Variants in CDC25C observed in about 807,000 individuals in gnomAD.
CDC25C encodes the protein cell division cycle 25C.
CDC25C carries 48 observed loss-of-function variants against 52.5 expected under a neutral mutation model. The ratio of observed to expected loss-of-function variants is 0.91; its 90% CI spans 0.72 to 1.16. CDC25C has a LOEUF of 1.16. CDC25C is among the 50% of genes most tolerant of loss of function. CDC25C has a pLI of 0.00. For synonymous variants in CDC25C, 187 were observed against 206.5 expected (o/e 0.91, Z 0.81); for missense variants, 510 against 566.1 (o/e 0.90, Z 1.01).
chr5:138,297,474 A>G (rs1757301604), intron 7 of CDC25C, among the ~76,000 whole-genome samples: 1 of 152,088 alleles, frequency 6.6e-6, no homozygotes, highest in Non-Finnish European at 1.5e-5. Flanking sequence ...CTCCTTACCT[A>G]TCAAACCTCT....
At chr5:138,338,301 A>T in exon 1 of CDC25C, 1 of 630,518 alleles carries the variant, frequency 1.6e-6, no homozygotes, top group Non-Finnish European at 2.6e-6. Context: ...GAGCTGGAGG[A>T]ACCGCGGTAG....
chr5:138,316,917 T>C (rs4613700), intron 7 of CDC25C, among the ~76,000 whole-genome samples: 150,742 of 152,236 alleles, frequency 0.99, 74,662 homozygotes, highest in Middle Eastern at 1. Flanking sequence ...GCTAACCCTC[T>C]ACTTGTCTGC....
At chr5:138,318,126 C>A (rs927191421) in intron 7 of CDC25C, among the ~76,000 whole-genome samples, 1 of 151,992 alleles carries the variant, frequency 6.6e-6, no homozygotes, top group Non-Finnish European at 1.5e-5. Context: ...GTCAGGAGTT[C>A]GAGACCAGTC....
At chr5:138,309,433 T>A (rs1309600610) in intron 7 of CDC25C, among the ~76,000 whole-genome samples, 1 of 151,724 alleles carries the variant, frequency 6.6e-6, no homozygotes, top group African/African-American at 2.4e-5. Flanking sequence ...GGTGGGCACC[T>A]GTAATCCTAC....
chr5:138,294,255 G>A (rs536786170), intron 7 of CDC25C, among the ~76,000 whole-genome samples: 19 of 150,632 alleles, frequency 1.3e-4, no homozygotes, highest in Non-Finnish European at 2.4e-4. Context: ...GCAGTGGCAC[G>A]ATCTCGGCTC....
At chr5:138,293,793 C>T (rs1370530290) in intron 7 of CDC25C, among the ~76,000 whole-genome samples, 5 of 151,618 alleles carry the variant, frequency 3.3e-5, no homozygotes, top group African/African-American at 1.2e-4. Context: ...ACTACAGATG[C>T]GCATCACCAT....
rs779105589 is a variant in CDC25C, at chr5:138,286,082, C to T, written c.1212G>A (p.Leu404=). ...TAAGGATATATAGCTCTGGGTAGTACAATGCAGGATACTGGTTCAGAGACC... is the reference window on the plus strand; with the variant it reads ...TAAGGATATATAGCTCTGGGTAGTATAATGCAGGATACTGGTTCAGAGACC... The part of the protein sequence containing the change: ...EDRSLNQYPA[L]YYPELYILKG... Residue 404 remains leucine (L), a synonymous_variant, in exon 13 of 14, where the codon TTG becomes TTA. Transcript: ENST00000323760. The T allele has an allele frequency of 1.9e-6, 3 of 1,614,072 alleles. No individual in the cohort carries two copies. In the South Asian group the frequency reaches 3.3e-5, roughly 18 times the overall value.
At chr5:138,315,802 TGAGA>T in intron 7 of CDC25C, among the ~76,000 whole-genome samples, 1 of 152,332 alleles carries the variant, frequency 6.6e-6, no homozygotes, top group South Asian at 2.1e-4. Flanking sequence ...TCCAGCACTT[TGAGA>T]GGCCAAGGTG....
chr5:138,334,381 A>C (rs942555147), upstream of CDC25C, among the ~76,000 whole-genome samples: 2 of 151,124 alleles, frequency 1.3e-5, no homozygotes, highest in African/African-American at 4.9e-5. Flanking sequence ...TTTTTTTTTG[A>C]GACAGTTTCT....
chr5:138,311,707 C>T (rs1401206888), intron 7 of CDC25C, among the ~76,000 whole-genome samples: 1 of 152,086 alleles, frequency 6.6e-6, no homozygotes, highest in African/African-American at 2.4e-5. Flanking sequence ...ATAAATTAGA[C>T]TTCATCAAAA....
Position 138,286,609 on chromosome 5 carries a change from G to T in CDC25C, c.1048C>A (p.Gln350Lys), listed in dbSNP as rs768409329. 2 of 1,613,050 alleles carry T rather than the reference G, an allele frequency of 1.2e-6. No homozygotes were observed. The highest frequency in any genetic ancestry group is 1.7e-6 in the Non-Finnish European group (2 of 1,179,406). Residue 350 changes from glutamine to lysine, a missense_variant, in exon 12 of 14, where the codon CAG (glutamine) becomes AAG (lysine). Transcript: ENST00000323760. ...AGAAAGAAGTTAAACAGTTCTTCCTGACTATATAAGTTTAAGGCTCCCTGT... is the reference window on the plus strand; with the variant it reads ...AGAAAGAAGTTAAACAGTTCTTCCTTACTATATAAGTTTAAGGCTCCCTGT... ...HIQGALNLYSQEELFNFFLKK... is the reference protein window; with the variant it reads ...HIQGALNLYSKEELFNFFLKK...
At chr5:138,322,450 C>A (rs1366127185) in intron 6 of CDC25C, among the ~76,000 whole-genome samples, 1 of 147,962 alleles carries the variant, frequency 6.8e-6, no homozygotes, top group Non-Finnish European at 1.5e-5. Flanking sequence ...CAGATGCCTG[C>A]CACCACGCCC....
intron 6 of CDC25C, among the ~76,000 whole-genome samples, chr5:138,320,983 T>C (rs1245256540): frequency 1.5e-5 from 2 of 137,916 alleles, no homozygotes; most frequent in Non-Finnish European, 3.1e-5. Flanking sequence ...CAGTCCCACC[T>C]ACTTGGTAGG....
At chr5:138,299,868 T>A (rs62380878) in intron 7 of CDC25C, among the ~76,000 whole-genome samples, 1 of 151,788 alleles carries the variant, frequency 6.6e-6, no homozygotes, top group Non-Finnish European at 1.5e-5. Flanking sequence ...GACAAACTTT[T>A]AGCCTGAACA....
intron 6 of CDC25C, among the ~76,000 whole-genome samples, chr5:138,323,390 T>C (rs1361245339): frequency 1.3e-5 from 2 of 152,118 alleles, no homozygotes; most frequent in Non-Finnish European, 2.9e-5. Flanking sequence ...CTCAGGCTCT[T>C]GGGCCGAGGC....
exon 1 of CDC25C, chr5:138,338,007 G>A: frequency 7.8e-7 from 1 of 1,289,638 alleles, no homozygotes; most frequent in Non-Finnish European, 1.0e-6. Context: ...CTCCAACTGG[G>A]GCCGTCCACT....
At chr5:138,332,502 T>C (rs1186026425), upstream of CDC25C, among the ~76,000 whole-genome samples, 2 of 152,164 alleles carry the variant, frequency 1.3e-5, no homozygotes, top group Non-Finnish European at 2.9e-5. Context: ...CTTGGTATAA[T>C]CCTTATCGCA....
intron 7 of CDC25C, among the ~76,000 whole-genome samples, chr5:138,297,263 G>A (rs1757282813): frequency 6.6e-6 from 1 of 151,938 alleles, no homozygotes; most frequent in Non-Finnish European, 1.5e-5. Context: ...GTTCAACTGT[G>A]TTGGCCACAC....
chr5:138,286,897 CA>C (rs1756291639), intron 11 of CDC25C, among the ~76,000 whole-genome samples: 1 of 152,152 alleles, frequency 6.6e-6, no homozygotes, highest in African/African-American at 2.4e-5. Flanking sequence ...TAAGTGTTTG[CA>C]AAGTGCTTCA....
Sources: allele counts gnomAD v4.1 joint callset (sites outside exome capture counted in the v4.1 genomes callset), GRCh38; gene constraint gnomAD v4.1.1; transcripts MANE v1.5; gene names NCBI Gene and HGNC (gene_info 2026-07-23, HGNC 2026-07-21).